RAD21: variants seen among roughly 807,000 people sequenced by gnomAD.
The protein encoded by RAD21 is double-strand-break repair protein rad21 homolog.
Under a neutral mutation model 71.5 loss-of-function variants are expected in RAD21, and 18 were observed. The ratio of observed to expected loss-of-function variants is 0.25; its 90% confidence interval spans 0.17 to 0.37. The LOEUF is 0.37. Ranked by LOEUF, RAD21 falls within the 10% of genes least tolerant of loss-of-function variation. The probability of loss-of-function intolerance (pLI) is 1.00; values close to 1 mark genes in which losing one functional copy is unlikely to be tolerated. For missense variants in RAD21, 493 were observed against 769.1 expected (o/e 0.64, Z 4.25); for synonymous variants, 248 against 254.0 (o/e 0.98, Z 0.22).
Position 116,854,253 on chromosome 8 carries a change from G to A in RAD21, c.1153C>T (p.Leu385=). ...LPAQPLWNNR[L]LKLFTRCLTP... Reference sequence around the variant, plus strand: ...TCTGCAAACTATATTACCTTCAGTAGTCTGTTATTCCACAAAGGCTGAGCA... The same window carrying A: ...TCTGCAAACTATATTACCTTCAGTAATCTGTTATTCCACAAAGGCTGAGCA... Residue 385 remains leucine (L), a synonymous_variant, in exon 9 of 14, where the codon CTA becomes TTA. Transcript: ENST00000297338. 2 of 1,608,872 alleles carry A rather than the reference G, an allele frequency of 1.2e-6. No individual in the cohort carries two copies. The highest frequency in any genetic ancestry group is 1.1e-5 in the South Asian group (1 of 90,972).
intron 4 of RAD21, among the ~76,000 whole-genome samples, chr8:116,860,378 C>T (rs1008815803): frequency 1.3e-5 from 2 of 152,212 alleles, no homozygotes; most frequent in Non-Finnish European, 1.5e-5. Context: ...AAAACGCTAT[C>T]GGGTAGCATT....
intron 10 of RAD21, 69 bp from the exon 11 acceptor site, chr8:116,852,165 T>C: frequency 7.4e-7 from 1 of 1,344,632 alleles, no homozygotes; most frequent in Non-Finnish European, 1.0e-6. Flanking sequence ...AACCATTTAT[T>C]TTTTAAACTA....
chr8:116,854,986 ACATTTTAAGAGT>A (rs964759116), intron 8 of RAD21, among the ~76,000 whole-genome samples: 4 of 152,192 alleles, frequency 2.6e-5, no homozygotes, highest in Non-Finnish European at 4.4e-5. Flanking sequence ...TCCATCCTAG[ACATTTTAAGAGT>A]CATTTCTAAT....
intron 10 of RAD21, 34 bp from the exon 11 acceptor site, chr8:116,852,130 C>A: frequency 1.3e-6 from 2 of 1,573,094 alleles, no homozygotes; most frequent in South Asian, 2.3e-5. Flanking sequence ...AAACATAGGT[C>A]ATACAGTTTT....
rs1812478707 is a variant in RAD21 at position 116,856,759 on chromosome 8, A to G, written c.701T>C (p.Ile234Thr). Residue 234 changes from isoleucine (I) to threonine (T), a missense_variant, in exon 7 of 14, where the codon ATT (isoleucine) becomes ACT (threonine). Physicochemically the swap from Ile to Thr is moderately conservative, Grantham distance 89. Coordinates refer to ENST00000297338, the MANE Select transcript of RAD21 (RefSeq NM_006265.3). ...NDGGILDDKL[I>T]SNNDGGIFDD... ...AAAGATACCGCCATCATTATTACTA[A>G]TAAGTTTGTCATCTGAAATAGGGAA... 6.5e-7 allele frequency: 1 copy of G among 1,527,644 alleles called. No homozygotes were observed. Among genetic ancestry groups the G allele is most frequent in the Non-Finnish European group, 8.8e-7 (1 of 1,134,880 alleles). 94.6% of individuals were successfully genotyped at this position (1,527,644 alleles called of 1,614,324 possible). A position where few individuals can be genotyped will look rare whatever the true frequency, so the allele number is the denominator to read the frequency against.
intron 4 of RAD21, among the ~76,000 whole-genome samples, chr8:116,861,237 A>T (rs1812586475): frequency 6.6e-6 from 1 of 151,996 alleles, no homozygotes; most frequent in Admixed American, 6.6e-5. Flanking sequence ...TATGCTAATA[A>T]GTCACTTGGA....
chr8:116,848,140 T>C (rs186918988), intron 13 of RAD21, among the ~76,000 whole-genome samples: 1 of 152,332 alleles, frequency 6.6e-6, no homozygotes, highest in Non-Finnish European at 1.5e-5. Flanking sequence ...GGTATTCCTT[T>C]AGAGCAACAC....
chr8:116,869,422 T>TA (rs1445145855), intron 1 of RAD21, among the ~76,000 whole-genome samples: 1 of 152,056 alleles, frequency 6.6e-6, no homozygotes, highest in African/African-American at 2.4e-5. Context: ...CTGTCTCTAC[T>TA]AAAAAACACA....
At position 116,852,066 on chromosome 8, in the gene RAD21, A is replaced by C. The variant is rs144953114; in HGVS notation, c.1352T>G (p.Leu451Arg). ...GCTGGCCTCCATCACTGACTCCTGGAGGCGGCTTGGCTCTTCAATAATGGG... is the reference window on the plus strand; with the variant it reads ...GCTGGCCTCCATCACTGACTCCTGGCGGCGGCTTGGCTCTTCAATAATGGG... ...DEPIIEEPSR[L>R]QESVMEASRT... Residue 451 changes from leucine (L) to arginine (R), a missense_variant, in exon 11 of 14, where the codon CTC becomes CGC. Around this residue, in one of 5 missense-constraint regions of RAD21, gnomAD observed 225 missense variants for 218.3 expected, o/e 1.03. Transcript: ENST00000297338. 816 of 1,610,622 alleles carry C rather than the reference A, an allele frequency of 5.1e-4. No individual in the cohort carries two copies. The highest frequency in any genetic ancestry group is 6.5e-4 in the Non-Finnish European group (767 of 1,177,084).
At chr8:116,869,123 C>A (rs1812755655) in intron 1 of RAD21, among the ~76,000 whole-genome samples, 2 of 152,104 alleles carry the variant, frequency 1.3e-5, no homozygotes, top group South Asian at 4.1e-4. Context: ...TCAATAAACT[C>A]GCCTTTATCA....
At chr8:116,852,315 A>G (rs988881045) in intron 10 of RAD21, 1 of 625,882 alleles carries the variant, frequency 1.6e-6, no homozygotes, top group Admixed American at 3.2e-5. Flanking sequence ...CCCTCAGTAC[A>G]ATGTAGGACA....
chr8:116,864,814 C>A, intron 2 of RAD21, among the ~76,000 whole-genome samples: 1 of 152,006 alleles, frequency 6.6e-6, no homozygotes, highest in South Asian at 2.1e-4. Context: ...TGAGGTATGG[C>A]ATATGTTTTT....
intron 1 of RAD21, chr8:116,867,052 T>C (rs1464379803): frequency 5.4e-6 from 1 of 186,734 alleles, no homozygotes; most frequent in Non-Finnish European, 1.1e-5. Flanking sequence ...ACAGTAGAAA[T>C]AGTCTGTTTA....
At chr8:116,870,037 C>G (rs1229008835) in intron 1 of RAD21, among the ~76,000 whole-genome samples, 1 of 152,166 alleles carries the variant, frequency 6.6e-6, no homozygotes, top group Admixed American at 6.5e-5. Flanking sequence ...TGGTGCAAGA[C>G]TACTGCAGTC....
chr8:116,862,331 A>G (rs969824316), intron 3 of RAD21, among the ~76,000 whole-genome samples: 3 of 152,212 alleles, frequency 2.0e-5, no homozygotes, highest in East Asian at 1.9e-4. Context: ...TCTTTTTCCT[A>G]TATTTTTCAA....
chr8:116,856,063 G>A, intron 8 of RAD21, 103 bp downstream of exon 8: 1 of 1,337,214 alleles, frequency 7.5e-7, no homozygotes, highest in Non-Finnish European at 1.0e-6. Flanking sequence ...AAAGCAAGAA[G>A]CCTAGTTATC....
At chr8:116,850,511 T>G in intron 12 of RAD21, 107 bp downstream of exon 12, 1 of 1,489,844 alleles carries the variant, frequency 6.7e-7, no homozygotes, top group South Asian at 1.4e-5. Flanking sequence ...TCTAACATTT[T>G]TAAATAACTC....
Position 116,866,766 on chromosome 8 carries a change from G to A in RAD21, c.-32-5C>T, listed in dbSNP as rs370867664. 4 of 1,528,894 alleles carry A rather than the reference G, an allele frequency of 2.6e-6. No individual in the cohort carries two copies. The highest frequency in any genetic ancestry group is 2.1e-5 in the Admixed American group (1 of 46,830). The allele number at this position is 1,528,894 out of a possible 1,614,324, so 94.7% of individuals were successfully genotyped here. ...GCTATGAAAACAGAAGAAAACCTAAGAGGGGAAAAAAAAGTTAATGTAAAC... is the reference window on the plus strand; with the variant it reads ...GCTATGAAAACAGAAGAAAACCTAAAAGGGGAAAAAAAAGTTAATGTAAAC... On this transcript the variant is annotated splice_polypyrimidine_tract_variant and splice_region_variant and intron_variant, in intron 1 of 13. Coordinates refer to ENST00000297338, the MANE Select transcript of RAD21 (RefSeq NM_006265.3).
intron 2 of RAD21, among the ~76,000 whole-genome samples, chr8:116,864,655 G>C (rs955069856): frequency 1.3e-4 from 20 of 151,956 alleles, no homozygotes; most frequent in Admixed American, 1.1e-3. Flanking sequence ...AATTAATATT[G>C]ATTGAACCTT....
Sources: gnomAD v4.1 joint callset for allele counts (sites outside exome capture counted in the v4.1 genomes callset) on GRCh38, gnomAD v4.1.1 for gene constraint, gnomAD v4.1.1 regional missense constraint, MANE v1.5 for transcripts, NCBI Gene and HGNC (gene_info 2026-07-23, HGNC 2026-07-21) for gene names.